NCR3LG1: variants seen among roughly 807,000 people sequenced by gnomAD.
NCR3LG1 encodes the protein natural cytotoxicity triggering receptor 3 ligand 1.
In NCR3LG1, 35 loss-of-function variants were observed where a neutral mutation model predicts 34.8. The observed-to-expected ratio is 1.01, with a 90% CI of 0.77 to 1.33. The LOEUF is 1.33. NCR3LG1 is among the 40% of genes most tolerant of loss of function. The pLI, the probability that NCR3LG1 is intolerant of heterozygous loss-of-function variation, is 0.00. For synonymous variants in NCR3LG1, 173 were observed against 163.6 expected (o/e 1.06, Z -0.44); for missense variants, 452 against 423.3 (o/e 1.07, Z -0.60).
Position 17,375,229 on chromosome 11 carries a change from C to G in NCR3LG1, c.*2717C>G, listed in dbSNP as rs1452589215. ...AGTTAAAAACCTGACCTTGCCTGAT[C>G]CCAGACACTTTCCTCCCAGAGGAAA... On this transcript the variant is annotated 3_prime_UTR_variant, in exon 5 of 5. Transcript: ENST00000338965. The G allele has an allele frequency of 2.0e-5, 3 of 152,192 alleles. No individual in the cohort carries two copies. The East Asian group carries it at 5.8e-4, about 29-fold the overall frequency. 9.4% of individuals were successfully genotyped at this position (152,192 alleles called of 1,614,324 possible).
chr11:17,372,405 G>A lies in NCR3LG1; in HGVS notation c.1258G>A (p.Ala420Thr), dbSNP rs974837403. 2.8e-6 allele frequency: 2 copies of A among 703,162 alleles called. No homozygotes were observed. The highest frequency in any genetic ancestry group is 5.2e-6 in the Non-Finnish European group (2 of 385,036). 43.6% of individuals were successfully genotyped at this position (703,162 alleles called of 1,614,324 possible). Reference sequence around the variant, plus strand: ...GGAACACTCGGATGCAGTTCCGGATGCCCCAATCCTTCCTGTCTCCCCTAT... The same window carrying A: ...GGAACACTCGGATGCAGTTCCGGATACCCCAATCCTTCCTGTCTCCCCTAT... ...PREHSDAVPDAPILPVSPIWE... is the reference protein window; with the variant it reads ...PREHSDAVPDTPILPVSPIWE... Residue 420 changes from alanine to threonine, a missense_variant, in exon 5 of 5, where the codon GCC (alanine) becomes ACC (threonine). By Grantham distance (58) the Ala-to-Thr change is moderately conservative. Coordinates refer to ENST00000338965, the MANE Select transcript of NCR3LG1 (RefSeq NM_001202439.3).
chr11:17,353,899 A>G (rs1161938729), intron 1 of NCR3LG1, among the ~76,000 whole-genome samples: 1 of 152,156 alleles, frequency 6.6e-6, no homozygotes, highest in Non-Finnish European at 1.5e-5. Context: ...TTCCGCCTAC[A>G]AGAAATTCCT....
At chr11:17,363,740 G>A (rs1002348622) in intron 2 of NCR3LG1, among the ~76,000 whole-genome samples, 5 of 151,862 alleles carry the variant, frequency 3.3e-5, no homozygotes, top group African/African-American at 9.7e-5. Flanking sequence ...GGGGCCACAC[G>A]CGGGTGCCAC....
At chr11:17,357,649 G>A (rs61880295) in intron 2 of NCR3LG1, among the ~76,000 whole-genome samples, 1,156 of 108,892 alleles carry the variant, frequency 0.011, 15 homozygotes, top group South Asian at 0.034. Context: ...CTATATATAC[G>A]GCCAACTGAC....
rs986818535 is a variant in NCR3LG1, at chr11:17,361,664, C to G, written c.421+4663C>G. ...CAAATAATTGATTTTTGCTTATTAA[C>G]TTTGTATCCTGCAACTTGCTTTAAT... On this transcript the variant is annotated intron_variant, in intron 2 of 4. Transcript: ENST00000338965. Among the ~76,000 whole-genome samples the G allele has an allele frequency of 3.9e-5, 6 of 152,104 alleles. 1 individual carries two copies. The East Asian group carries it at 9.6e-4, about 24-fold the overall frequency.
chr11:17,357,581 G>C (rs1205947599), intron 2 of NCR3LG1, among the ~76,000 whole-genome samples: 1 of 152,066 alleles, frequency 6.6e-6, no homozygotes, highest in East Asian at 1.9e-4. Flanking sequence ...GGAGTGAGAG[G>C]CATATTAATT....
chr11:17,376,106 A>G lies in NCR3LG1; in HGVS notation c.*3594A>G, dbSNP rs1953474095. Reference sequence around the variant, plus strand: ...CTCTTAAAAATAATCCCTTTAACAGATGACTTCTTCCCCACCACAATCAAA... The same window carrying G: ...CTCTTAAAAATAATCCCTTTAACAGGTGACTTCTTCCCCACCACAATCAAA... On this transcript the variant is annotated 3_prime_UTR_variant, in exon 5 of 5. Transcript: ENST00000338965. The G allele has an allele frequency of 6.6e-6, 1 of 152,222 alleles. No homozygotes were observed. The highest frequency in any genetic ancestry group is 2.4e-5 in the African/African-American group (1 of 41,462). 9.4% of individuals were successfully genotyped at this position (152,222 alleles called of 1,614,324 possible).
At chr11:17,366,519 T>C (rs1953345689) in intron 2 of NCR3LG1, among the ~76,000 whole-genome samples, 1 of 152,130 alleles carries the variant, frequency 6.6e-6, no homozygotes. Context: ...AGAATGGAAA[T>C]TGAAGAGCAA....
chr11:17,368,803 T>G, intron 3 of NCR3LG1, 64 bp from the exon 4 acceptor site: 1 of 1,045,518 alleles, frequency 9.6e-7, no homozygotes, highest in Non-Finnish European at 1.4e-6. Flanking sequence ...CCAGCAGCAG[T>G]TGTGTGGTTT....
At chr11:17,354,070 G>T (rs1277490879) in intron 1 of NCR3LG1, among the ~76,000 whole-genome samples, 1 of 152,232 alleles carries the variant, frequency 6.6e-6, no homozygotes, top group Non-Finnish European at 1.5e-5. Flanking sequence ...TTTAAAGGTT[G>T]TTGATATAGA....
chr11:17,357,180 A>G (rs988509739), intron 2 of NCR3LG1, among the ~76,000 whole-genome samples, 179 bp downstream of exon 2: 2 of 152,170 alleles, frequency 1.3e-5, no homozygotes, highest in African/African-American at 4.8e-5. Context: ...CATTGACTGG[A>G]TGCCTTTAAA....
intron 1 of NCR3LG1, among the ~76,000 whole-genome samples, chr11:17,353,920 A>C (rs1953173792): frequency 6.6e-6 from 1 of 152,200 alleles, no homozygotes; most frequent in Non-Finnish European, 1.5e-5. Flanking sequence ...ACACCTTAGG[A>C]TGGAGCATCT....
chr11:17,353,758 C>A (rs1049959596), intron 1 of NCR3LG1, among the ~76,000 whole-genome samples: 1 of 152,196 alleles, frequency 6.6e-6, no homozygotes, highest in Non-Finnish European at 1.5e-5. Flanking sequence ...TCCGGCTCGT[C>A]CAGCCACGAG....
chr11:17,366,322 A>G (rs1215645245), intron 2 of NCR3LG1, among the ~76,000 whole-genome samples: 1 of 152,138 alleles, frequency 6.6e-6, no homozygotes, highest in African/African-American at 2.4e-5. Context: ...ATAAGGAGAG[A>G]GAGAGAAAGA....
At chr11:17,370,531 A>T (rs1013834187) in intron 4 of NCR3LG1, among the ~76,000 whole-genome samples, 4 of 152,184 alleles carry the variant, frequency 2.6e-5, no homozygotes, top group Admixed American at 1.3e-4. Context: ...TGCCAACCTT[A>T]TGAGACTTAA....
intron 1 of NCR3LG1, among the ~76,000 whole-genome samples, chr11:17,354,299 C>A (rs1224503873): frequency 6.6e-6 from 1 of 152,132 alleles, no homozygotes; most frequent in African/African-American, 2.4e-5. Flanking sequence ...TTGAAAAAGG[C>A]GAATGCTGTT....
At chr11:17,364,624 G>A (rs550301229) in intron 2 of NCR3LG1, among the ~76,000 whole-genome samples, 1 of 151,928 alleles carries the variant, frequency 6.6e-6, no homozygotes, top group African/African-American at 2.4e-5. Context: ...TCAGGTCACT[G>A]CAACCTCCGC....
intron 2 of NCR3LG1, among the ~76,000 whole-genome samples, chr11:17,360,835 C>T (rs1447953468): frequency 6.6e-6 from 1 of 152,178 alleles, no homozygotes; most frequent in Non-Finnish European, 1.5e-5. Context: ...CTCCTGGGCC[C>T]TGGCAATCCT....
chr11:17,370,422 C>T (rs1283991059), intron 4 of NCR3LG1, among the ~76,000 whole-genome samples: 2 of 152,186 alleles, frequency 1.3e-5, no homozygotes, highest in Non-Finnish European at 2.9e-5. Flanking sequence ...AGGAGCGGAC[C>T]TCCAAACTCT....
Sources: allele counts gnomAD v4.1 joint callset (sites outside exome capture counted in the v4.1 genomes callset), GRCh38; gene constraint gnomAD v4.1.1; transcripts MANE v1.5; gene names NCBI Gene and HGNC (gene_info 2026-07-23, HGNC 2026-07-21).